Variants in SV2C observed in about 807,000 individuals in gnomAD.
SV2C encodes the protein solute carrier family 22 member B3.
SV2C carries 49 observed loss-of-function variants against 79.7 expected under a neutral mutation model. The ratio of observed to expected loss-of-function variants is 0.61; its 90% confidence interval spans 0.49 to 0.78. SV2C has a LOEUF of 0.78. Ranked by LOEUF, SV2C falls within the 30% of genes least tolerant of loss-of-function variation. SV2C has a pLI of 0.00. For missense variants in SV2C, 833 were observed against 912.9 expected, an observed-to-expected ratio of 0.91 and a Z score of 1.13; for synonymous variants, 334 against 333.2, an observed-to-expected ratio of 1.00 and a Z score of -0.03.
At chr5:75,992,880 A>G in the SV2C span, among the ~76,000 whole-genome samples, 1 of 152,068 alleles carries the variant, frequency 6.6e-6, no homozygotes, top group Non-Finnish European at 1.5e-5. Context: ...AATCAAACTT[A>G]CTGACATATG....
chr5:76,342,325 G>A (rs1429925569), intron 12 of SV2C, among the ~76,000 whole-genome samples: 2 of 152,210 alleles, frequency 1.3e-5, no homozygotes, highest in African/African-American at 2.4e-5. Flanking sequence ...AAGGCTCTGA[G>A]TCTTTTCCAG....
chr5:75,969,427 C>A, the SV2C span, among the ~76,000 whole-genome samples: 21 of 152,142 alleles, frequency 1.4e-4, no homozygotes, highest in South Asian at 3.9e-3. Context: ...TTCAGGAAAC[C>A]CATTTCACAT....
chr5:75,930,111 CCTA>C, the SV2C span, among the ~76,000 whole-genome samples: 5 of 152,212 alleles, frequency 3.3e-5, 1 homozygote, highest in South Asian at 1.0e-3. Flanking sequence ...TCCTCCAGTC[CCTA>C]CTATTTTTCC....
At chr5:76,291,413 C>G (rs770486569) in intron 7 of SV2C, 82 bp downstream of exon 7, 2 of 1,139,296 alleles carry the variant, frequency 1.8e-6, no homozygotes, top group Non-Finnish European at 2.5e-6. Flanking sequence ...CTGGGCCTGC[C>G]CTATGAGCGA....
At chr5:76,131,529 AAG>A in intron 1 of SV2C, 119 bp from the exon 2 acceptor site, 1 of 332,582 alleles carries the variant, frequency 3.0e-6, no homozygotes. Flanking sequence ...AAAAAAAAAA[AAG>A]GAAAAACTAA....
chr5:75,952,784 T>G, the SV2C span, among the ~76,000 whole-genome samples: 1 of 151,938 alleles, frequency 6.6e-6, no homozygotes, highest in Non-Finnish European at 1.5e-5. Context: ...AATTAAATGT[T>G]TTCTTTATAA....
rs1240800481 is a variant in SV2C, at chr5:76,260,629, A to T, written c.914-24533A>T. ...TGAGTTAATTTTTGTATAAGATGTA[A>T]GGAAGGTGTCCAGTTTCTGTTTTCT... On this transcript the variant is annotated intron_variant, in intron 4 of 12. Coordinates refer to ENST00000502798, the MANE Select transcript of SV2C (RefSeq NM_014979.4). Among the ~76,000 whole-genome samples the T allele has an allele frequency of 2.0e-5, 3 of 152,192 alleles. No homozygotes were observed. The South Asian group carries it at 6.2e-4, about 31-fold the overall frequency.
chr5:75,991,714 G>A, the SV2C span, among the ~76,000 whole-genome samples: 1 of 150,368 alleles, frequency 6.7e-6, no homozygotes, highest in Non-Finnish European at 1.5e-5. Flanking sequence ...ATATATATAT[G>A]CAAAACCATC....
At chr5:76,084,574 G>A (rs562926318) in intron 1 of SV2C, among the ~76,000 whole-genome samples, 1 of 147,610 alleles carries the variant, frequency 6.8e-6, no homozygotes, top group East Asian at 2.1e-4. Flanking sequence ...CGGCGCGCGG[G>A]GGCGGGGGGA....
the SV2C span, among the ~76,000 whole-genome samples, chr5:75,999,189 C>G: frequency 6.6e-6 from 1 of 152,076 alleles, no homozygotes; most frequent in African/African-American, 2.4e-5. Context: ...CCCACCAGGT[C>G]CCTCCTGCAA....
intron 4 of SV2C, among the ~76,000 whole-genome samples, chr5:76,227,134 G>A (rs12697848): frequency 0.63 from 96,195 of 151,972 alleles, 30,862 homozygotes; most frequent in African/African-American, 0.71. Flanking sequence ...TTGGTGATTT[G>A]TGAAGATTTT....
the SV2C span, among the ~76,000 whole-genome samples, chr5:75,958,915 ACTTT>A: frequency 6.6e-6 from 1 of 152,014 alleles, no homozygotes; most frequent in Non-Finnish European, 1.5e-5. Context: ...GTTCTAGAAC[ACTTT>A]CTTTGTACAT....
the SV2C span, among the ~76,000 whole-genome samples, chr5:76,074,511 C>T: frequency 1.3e-5 from 2 of 152,204 alleles, no homozygotes; most frequent in Non-Finnish European, 2.9e-5. Context: ...CAGGGTACGG[C>T]CCTGAATGGC....
chr5:75,881,374 C>A, the SV2C span, among the ~76,000 whole-genome samples: 3 of 152,162 alleles, frequency 2.0e-5, no homozygotes, highest in Middle Eastern at 3.2e-3. Context: ...TGGCCCCTGG[C>A]AAGTAATCCA....
upstream of SV2C, among the ~76,000 whole-genome samples, chr5:76,082,714 C>G (rs1747036632): frequency 6.6e-6 from 1 of 150,770 alleles, no homozygotes; most frequent in African/African-American, 2.4e-5. Flanking sequence ...CTGTCTGGCC[C>G]TATGTAGCAT....
chr5:76,042,203 C>T, the SV2C span, among the ~76,000 whole-genome samples: 7 of 152,148 alleles, frequency 4.6e-5, no homozygotes, highest in African/African-American at 1.4e-4. Flanking sequence ...ATTTCTTTAT[C>T]TTGGGATTTT....
chr5:76,092,277 A>C (rs1365821654), intron 1 of SV2C, among the ~76,000 whole-genome samples: 1 of 152,206 alleles, frequency 6.6e-6, no homozygotes, highest in Non-Finnish European at 1.5e-5. Flanking sequence ...GCACCAGTAG[A>C]GGTGGTAAAT....
chr5:76,184,090 C>A (rs1313741433), intron 2 of SV2C, among the ~76,000 whole-genome samples: 1 of 152,146 alleles, frequency 6.6e-6, no homozygotes, highest in Non-Finnish European at 1.5e-5. Context: ...GAACCCTATG[C>A]CAAAACCTTG....
intron 4 of SV2C, among the ~76,000 whole-genome samples, chr5:76,223,254 A>G (rs1745124737): frequency 6.6e-6 from 1 of 151,694 alleles, no homozygotes; most frequent in Non-Finnish European, 1.5e-5. Flanking sequence ...CCTGGGCAAC[A>G]TATATTCTAT....
Sources: gnomAD v4.1 joint callset for allele counts (sites outside exome capture counted in the v4.1 genomes callset) on GRCh38, gnomAD v4.1.1 for gene constraint, MANE v1.5 for transcripts, NCBI Gene and HGNC (gene_info 2026-07-23, HGNC 2026-07-21) for gene names.